The following BUB1B variants were observed in gnomAD, a reference collection of about 807,000 sequenced individuals.
The protein encoded by BUB1B is BUB1 mitotic checkpoint serine/threonine kinase B, also known as mitotic checkpoint serine/threonine-protein kinase BUB1 beta.
Under a neutral mutation model 137.7 loss-of-function variants are expected in BUB1B, and 86 were observed. That is an observed-to-expected ratio of 0.62 (90% CI 0.52 to 0.75). BUB1B has a LOEUF of 0.75. BUB1B is among the 30% of genes least tolerant of loss of function. The pLI is 0.00. For missense variants in BUB1B, 1,130 were observed against 1,236.9 expected (o/e 0.91, Z 1.30); for synonymous variants, 420 against 417.9 (o/e 1.00, Z -0.06).
chr15:40,186,683 G>A lies in BUB1B; in HGVS notation c.1058+1041G>A, dbSNP rs553952675. 8.6e-5 allele frequency among the ~76,000 whole-genome samples: 13 copies of A among 150,904 alleles called. No homozygotes were observed. In the East Asian group the frequency reaches 2.5e-3, roughly 29 times the overall value. ...GATGGTCTCGATCTCCTGACCTAGT[G>A]ATCCGCCCGCCTTGGCCTCCCAAAG... On this transcript the variant is annotated intron_variant, in intron 8 of 22. Coordinates refer to ENST00000287598, the MANE Select transcript of BUB1B (RefSeq NM_001211.6).
In BUB1B at chr15:40,167,261, G is replaced by A. The variant is rs1017884202; in HGVS notation, c.179+2065G>A. On this transcript the variant is annotated intron_variant, in intron 2 of 22. Transcript: ENST00000287598. ...TTTTCTTTTATGGTTAGCATTTTTT[G>A]TGTCCTCTTCAGGAGACTTTTGCCT... Among the ~76,000 whole-genome samples the A allele has an allele frequency of 1.3e-4, 18 of 135,328 alleles. 3 individuals are homozygous for A. Among genetic ancestry groups the A allele is most frequent in the Admixed American group, 5.2e-4 (7 of 13,430 alleles). The allele number at this position is 135,328 out of a possible 152,430, so 88.8% of individuals were successfully genotyped here. A position where few individuals can be genotyped will look rare whatever the true frequency, so the allele number is the denominator to read the frequency against.
chr15:40,163,799 C>T (rs541972582), intron 1 of BUB1B, among the ~76,000 whole-genome samples: 6 of 152,262 alleles, frequency 3.9e-5, no homozygotes, highest in South Asian at 2.1e-4. Context: ...TTGTTTATGT[C>T]GATCAGCCTG....
chr15:40,197,884 C>G (rs1476193865), intron 9 of BUB1B, among the ~76,000 whole-genome samples: 1 of 152,166 alleles, frequency 6.6e-6, no homozygotes. Context: ...AAAAGGAGAA[C>G]CACTCCAGCA....
chr15:40,206,903 G>A (rs913248758), intron 15 of BUB1B, among the ~76,000 whole-genome samples: 69 of 152,270 alleles, frequency 4.5e-4, no homozygotes, highest in African/African-American at 1.5e-3. Flanking sequence ...TCCGTCTCCC[G>A]GGTTCAAGCG....
At chr15:40,214,999 A>C (rs1412444165) in intron 20 of BUB1B, among the ~76,000 whole-genome samples, 1 of 152,156 alleles carries the variant, frequency 6.6e-6, no homozygotes, top group African/African-American at 2.4e-5. Flanking sequence ...TTGGAAGCAG[A>C]GGTTTTTTCT....
At chr15:40,184,020 A>C in intron 6 of BUB1B, 137 bp downstream of exon 6, 1 of 899,964 alleles carries the variant, frequency 1.1e-6, no homozygotes, top group South Asian at 1.5e-5. Flanking sequence ...AAGTCAAAGG[A>C]GAGCTAATAT....
chr15:40,189,698 T>C (rs1182092404), intron 8 of BUB1B, among the ~76,000 whole-genome samples: 1 of 152,242 alleles, frequency 6.6e-6, no homozygotes, highest in Non-Finnish European at 1.5e-5. Context: ...TGTGTGGACA[T>C]GTGTTTTCGT....
Position 40,199,670 on chromosome 15 carries a change from G to T in BUB1B, c.1344G>T (p.Glu448Asp). ...CAGAAATGCAGAAACAGATTGAAGA[G>T]ATGGAGAAGAAGCTAAAAGAAATCC... Reference protein sequence around the residue: ...KRAEMQKQIEEMEKKLKEIQT... With the variant: ...KRAEMQKQIEDMEKKLKEIQT... Residue 448 changes from glutamate to aspartate, a missense_variant, in exon 10 of 23, where the codon GAG becomes GAT. Coordinates refer to ENST00000287598, the MANE Select transcript of BUB1B (RefSeq NM_001211.6). The T allele has an allele frequency of 6.2e-7, 1 of 1,614,030 alleles. No individual in the cohort carries two copies. The highest frequency in any genetic ancestry group is 8.5e-7 in the Non-Finnish European group (1 of 1,179,916).
chr15:40,204,122 C>T (rs2037608457), intron 14 of BUB1B, among the ~76,000 whole-genome samples: 1 of 152,160 alleles, frequency 6.6e-6, no homozygotes, highest in African/African-American at 2.4e-5. Flanking sequence ...ATATTTCCAT[C>T]AACTCAGAAG....
intron 14 of BUB1B, 36 bp from the exon 15 acceptor site, chr15:40,206,148 A>G: frequency 1.2e-6 from 2 of 1,611,862 alleles, no homozygotes; most frequent in Non-Finnish European, 1.7e-6. Context: ...ATGTATTGAA[A>G]TATTTTAGCT....
chr15:40,208,274 A>T (rs2037662149), intron 15 of BUB1B, among the ~76,000 whole-genome samples: 1 of 152,138 alleles, frequency 6.6e-6, no homozygotes, highest in Non-Finnish European at 1.5e-5. Flanking sequence ...GCAGTGGCTC[A>T]CGCCTATAAT....
chr15:40,182,266 T>C (rs2037303670), intron 5 of BUB1B, among the ~76,000 whole-genome samples: 1 of 152,214 alleles, frequency 6.6e-6, no homozygotes, highest in Non-Finnish European at 1.5e-5. Flanking sequence ...TGTTTGCATT[T>C]GCTTATTGTT....
At chr15:40,207,738 T>A (rs2037655213) in intron 15 of BUB1B, among the ~76,000 whole-genome samples, 1 of 151,886 alleles carries the variant, frequency 6.6e-6, no homozygotes, top group Non-Finnish European at 1.5e-5. Flanking sequence ...AATAATGGAC[T>A]TGAAAAATGA....
At chr15:40,177,897 C>T (rs1446065848) in intron 5 of BUB1B, among the ~76,000 whole-genome samples, 2 of 151,490 alleles carry the variant, frequency 1.3e-5, no homozygotes, top group Non-Finnish European at 2.9e-5. Flanking sequence ...ATAATATTCC[C>T]TTATTATGCT....
At chr15:40,187,955 A>T (rs2037388880) in intron 8 of BUB1B, among the ~76,000 whole-genome samples, 1 of 152,254 alleles carries the variant, frequency 6.6e-6, no homozygotes. Context: ...ATAGAAATGG[A>T]TAACATACAT....
chr15:40,170,034 A>G lies in BUB1B; in HGVS notation c.180-28A>G, dbSNP rs767911076. 11 of 1,581,882 alleles carry G rather than the reference A, an allele frequency of 7.0e-6. No individual in the cohort carries two copies. In the East Asian group the frequency reaches 2.5e-4, roughly 35 times the overall value. On this transcript the variant is annotated intron_variant, in intron 2 of 22. Coordinates refer to ENST00000287598, the MANE Select transcript of BUB1B (RefSeq NM_001211.6). ...TCATTGGCTGTTGTCACTATTGCAT[A>G]TGCTAACTTTTTCTGTTTACATTTC...
chr15:40,162,415 G>T (rs1015272897), intron 1 of BUB1B, among the ~76,000 whole-genome samples: 9 of 152,214 alleles, frequency 5.9e-5, no homozygotes, highest in African/African-American at 2.2e-4. Flanking sequence ...ATCTGACTTG[G>T]GTTTAAATGG....
intron 4 of BUB1B, among the ~76,000 whole-genome samples, chr15:40,171,581 CCATT>C (rs1200645002): frequency 6.6e-6 from 1 of 152,076 alleles, no homozygotes; most frequent in Non-Finnish European, 1.5e-5. Flanking sequence ...CATAATTGGG[CCATT>C]CAACTGTACT....
At chr15:40,198,792 A>C (rs2037529260) in intron 9 of BUB1B, among the ~76,000 whole-genome samples, 1 of 152,114 alleles carries the variant, frequency 6.6e-6, no homozygotes, top group African/African-American at 2.4e-5. Flanking sequence ...TCTTTACCCT[A>C]ACCTGCAAAA....
Sources: allele counts gnomAD v4.1 joint callset (sites outside exome capture counted in the v4.1 genomes callset), GRCh38; gene constraint gnomAD v4.1.1; transcripts MANE v1.5; gene names NCBI Gene and HGNC (gene_info 2026-07-23, HGNC 2026-07-21).